Variants in VWA8 observed in about 807,000 individuals in gnomAD.
VWA8 encodes von Willebrand factor A domain-containing protein 8.
VWA8 carries 221 observed loss-of-function variants against 241.5 expected under a neutral mutation model. That is an observed-to-expected ratio of 0.91 (90% CI 0.82 to 1.02). VWA8 has a LOEUF of 1.02. Among genes scored for constraint, VWA8 ranks in the 50% least tolerant of loss-of-function variants. VWA8 has a pLI of 0.00. For synonymous variants in VWA8, 852 were observed against 827.1 expected (o/e 1.03, Z -0.52); for missense variants, 2,322 against 2,328.7 (o/e 1.00, Z 0.06).
rs540166014 is a variant in VWA8 at position 41,874,443 on chromosome 13, C to G, written c.1081-5966G>C. ...CTGTATATCTAGAAAACCCCATTGT[C>G]TCAGCCCAAAATCTCCTTAAGCTGA... On this transcript the variant is annotated intron_variant, in intron 9 of 44. Transcript: ENST00000379310. 9.9e-5 allele frequency among the ~76,000 whole-genome samples: 15 copies of G among 152,186 alleles called. 1 individual carries two copies. The highest frequency in any genetic ancestry group is 8.5e-4 in the Admixed American group (13 of 15,282).
intron 43 of VWA8, 45 bp from the exon 44 acceptor site, chr13:41,570,751 CTTTTTT>C: frequency 6.5e-7 from 1 of 1,546,918 alleles, no homozygotes; most frequent in Admixed American, 1.7e-5. Context: ...TGAGAAACTT[CTTTTTT>C]AACAAATACG....
At chr13:41,609,060 T>A (rs1469134432) in intron 39 of VWA8, among the ~76,000 whole-genome samples, 1 of 152,198 alleles carries the variant, frequency 6.6e-6, no homozygotes, top group South Asian at 2.1e-4. Context: ...TGTGTGTCAT[T>A]CATTCCACAA....
intron 12 of VWA8, among the ~76,000 whole-genome samples, chr13:41,855,264 G>A (rs991759773): frequency 3.4e-5 from 5 of 148,768 alleles, no homozygotes; most frequent in African/African-American, 7.4e-5. Context: ...GGCTGTTGGC[G>A]GCAGCAAGGT....
chr13:41,636,270 C>T (rs2044755898), intron 37 of VWA8, among the ~76,000 whole-genome samples: 1 of 152,132 alleles, frequency 6.6e-6, no homozygotes, highest in African/African-American at 2.4e-5. Flanking sequence ...AGAAATAATG[C>T]TGCATATCTA....
intron 9 of VWA8, among the ~76,000 whole-genome samples, chr13:41,875,285 A>G (rs17062612): frequency 0.022 from 3,277 of 152,118 alleles, 58 homozygotes; most frequent in Middle Eastern, 0.048. Flanking sequence ...TTCTTCCATC[A>G]TTTCAAAACA....
chr13:41,922,330 C>T (rs1045924592), intron 2 of VWA8, among the ~76,000 whole-genome samples: 1 of 152,068 alleles, frequency 6.6e-6, no homozygotes, highest in African/African-American at 2.4e-5. Flanking sequence ...CCATAAAAAC[C>T]CTAGAAGAAA....
intron 33 of VWA8, among the ~76,000 whole-genome samples, 192 bp downstream of exon 33, chr13:41,689,974 A>T (rs1386894652): frequency 6.6e-6 from 1 of 152,156 alleles, no homozygotes; most frequent in African/African-American, 2.4e-5. Context: ...GACAGAGCTT[A>T]CAACAGTGAA....
chr13:41,723,196 T>C (rs544809910), intron 24 of VWA8, among the ~76,000 whole-genome samples: 8 of 152,312 alleles, frequency 5.3e-5, no homozygotes, highest in African/African-American at 1.9e-4. Flanking sequence ...AGAAGGTAAT[T>C]TGGGTTACCT....
At chr13:41,680,971 T>G (rs1422374632) in intron 35 of VWA8, among the ~76,000 whole-genome samples, 1 of 152,250 alleles carries the variant, frequency 6.6e-6, no homozygotes, top group Non-Finnish European at 1.5e-5. Context: ...CTTCTGAATC[T>G]TCTTCCCAAC....
chr13:41,834,157 A>G (rs7327866), intron 12 of VWA8, among the ~76,000 whole-genome samples: 110,045 of 152,088 alleles, frequency 0.72, 40,836 homozygotes, highest in East Asian at 0.89. Context: ...TTTTAAAAGC[A>G]CACACACAAT....
At chr13:41,610,528 GA>G (rs1484087228) in intron 39 of VWA8, among the ~76,000 whole-genome samples, 1 of 151,774 alleles carries the variant, frequency 6.6e-6, no homozygotes, top group Non-Finnish European at 1.5e-5. Flanking sequence ...AGGCTTTCCT[GA>G]GGGTGTGGCG....
intron 18 of VWA8, 146 bp downstream of exon 18, chr13:41,787,291 C>A: frequency 1.7e-6 from 1 of 598,994 alleles, no homozygotes; most frequent in Non-Finnish European, 2.8e-6. Flanking sequence ...AAATCAGATT[C>A]ATTTCTTCAA....
chr13:41,766,699 T>C (rs2045781026), intron 20 of VWA8, among the ~76,000 whole-genome samples: 1 of 152,180 alleles, frequency 6.6e-6, no homozygotes, highest in South Asian at 2.1e-4. Flanking sequence ...TGCCTATCTG[T>C]CCCGTTGTTT....
chr13:41,961,071 C>G lies in VWA8; in HGVS notation c.-56G>C, dbSNP rs1421845478. On this transcript the variant is annotated 5_prime_UTR_variant, in exon 1 of 45. Transcript: ENST00000379310. ...GGGGCTCGGGGATCGAGCGGCGTCC[C>G]GTGCAGGCACCGTGAGGCAGCGCGG... is the stretch of plus-strand genomic sequence containing the variant. 87 of 1,336,938 alleles carry G rather than the reference C, an allele frequency of 6.5e-5. No homozygotes were observed. The highest frequency in any genetic ancestry group is 7.7e-5 in the Non-Finnish European group (81 of 1,045,268). 82.8% of individuals were successfully genotyped at this position (1,336,938 alleles called of 1,614,324 possible).
chr13:41,833,027 C>T (rs1033504901), intron 13 of VWA8, among the ~76,000 whole-genome samples: 4 of 151,982 alleles, frequency 2.6e-5, no homozygotes, highest in Admixed American at 1.3e-4. Flanking sequence ...GAAGCTGTGA[C>T]TCTGACAAAT....
At chr13:41,727,008 A>C (rs2137857541) in intron 24 of VWA8, among the ~76,000 whole-genome samples, 186 bp downstream of exon 24, 1 of 152,206 alleles carries the variant, frequency 6.6e-6, no homozygotes, top group East Asian at 1.9e-4. Context: ...AAAAAACAAA[A>C]CAAAACAAAA....
At chr13:41,734,220 C>T (rs2045507526) in intron 21 of VWA8, among the ~76,000 whole-genome samples, 1 of 152,156 alleles carries the variant, frequency 6.6e-6, no homozygotes, top group Non-Finnish European at 1.5e-5. Context: ...TGCCTGTAAT[C>T]CCAGCTACTC....
chr13:41,658,405 A>T (rs1234184149), intron 37 of VWA8, among the ~76,000 whole-genome samples: 1 of 152,228 alleles, frequency 6.6e-6, no homozygotes, highest in South Asian at 2.1e-4. Flanking sequence ...TTATGGTTTC[A>T]TCTAAAACCT....
intron 39 of VWA8, among the ~76,000 whole-genome samples, chr13:41,606,824 C>G (rs2044556528): frequency 6.6e-6 from 1 of 152,140 alleles, no homozygotes; most frequent in African/African-American, 2.4e-5. Context: ...ATAATACCCA[C>G]TTAGGTTTCA....
Sources: gnomAD v4.1 joint callset for allele counts (sites outside exome capture counted in the v4.1 genomes callset) on GRCh38, gnomAD v4.1.1 for gene constraint, MANE v1.5 for transcripts, NCBI Gene and HGNC (gene_info 2026-07-23, HGNC 2026-07-21) for gene names.